JARID2: variants seen among roughly 807,000 people sequenced by gnomAD.
The protein encoded by JARID2 is jumonji and AT-rich interaction domain containing 2, also known as protein Jumonji.
Under a neutral mutation model 125.6 loss-of-function variants are expected in JARID2, and 21 were observed. The observed-to-expected ratio is 0.17, with a 90% CI of 0.12 to 0.24. The LOEUF is 0.24. Ranked by LOEUF, JARID2 falls within the 10% of genes least tolerant of loss-of-function variation. The pLI is 1.00. For synonymous variants in JARID2, 736 were observed against 661.6 expected (o/e 1.11, Z -1.73); for missense variants, 1,303 against 1,639.6 (o/e 0.79, Z 3.55).
chr6:15,350,031 G>C (rs1763371495), intron 1 of JARID2, among the ~76,000 whole-genome samples: 1 of 152,138 alleles, frequency 6.6e-6, no homozygotes, highest in South Asian at 2.1e-4. Flanking sequence ...AGTGGAAGTA[G>C]CTGGGCCCAC....
intron 1 of JARID2, among the ~76,000 whole-genome samples, chr6:15,351,599 C>T (rs748796664): frequency 2.6e-4 from 39 of 152,256 alleles, no homozygotes; most frequent in Non-Finnish European, 4.7e-4. Flanking sequence ...GCATTTATAT[C>T]ACACAAGGCT....
At chr6:15,372,686 T>G (rs2127513288) in intron 1 of JARID2, among the ~76,000 whole-genome samples, 1 of 152,106 alleles carries the variant, frequency 6.6e-6, no homozygotes, top group South Asian at 2.1e-4. Context: ...CCAAAGTATC[T>G]GTATGCTTCC....
intron 1 of JARID2, among the ~76,000 whole-genome samples, chr6:15,283,862 T>TAC (rs1561769072): frequency 5.9e-5 from 9 of 151,630 alleles, no homozygotes; most frequent in African/African-American, 1.9e-4. Context: ...CCTGCCACCA[T>TAC]GCCCGGCTAA....
At chr6:15,272,596 A>T (rs1263493138) in intron 1 of JARID2, among the ~76,000 whole-genome samples, 3 of 152,252 alleles carry the variant, frequency 2.0e-5, no homozygotes, top group African/African-American at 7.2e-5. Flanking sequence ...GAAACAAAGC[A>T]GGTAAAGGGG....
At chr6:15,385,223 A>C (rs6905698) in intron 2 of JARID2, among the ~76,000 whole-genome samples, 77,388 of 151,942 alleles carry the variant, frequency 0.51, 19,776 homozygotes, top group South Asian at 0.59. Flanking sequence ...GTTTAGCTCT[A>C]GCTGATCCTT....
intron 1 of JARID2, among the ~76,000 whole-genome samples, chr6:15,332,801 A>G (rs1762750771): frequency 6.6e-6 from 1 of 152,154 alleles, no homozygotes; most frequent in South Asian, 2.1e-4. Flanking sequence ...TTTTCAATAC[A>G]TACATTCGTT....
rs1234171821 is a variant in JARID2, at chr6:15,520,523, T to C, written c.*272T>C. ...GGCTGTATTAATTTGTATTGCCCCA[T>C]GGCTGACAAAAGCCTTTTTTTTTGG... On this transcript the variant is annotated 3_prime_UTR_variant, in exon 18 of 18. Coordinates refer to ENST00000341776, the MANE Select transcript of JARID2 (RefSeq NM_004973.4). The C allele has an allele frequency of 2.5e-6, 1 of 394,560 alleles. No homozygotes were observed. Among genetic ancestry groups the C allele is most frequent in the African/African-American group, 2.1e-5 (1 of 48,306 alleles). 24.4% of individuals were successfully genotyped at this position (394,560 alleles called of 1,614,324 possible). A position where few individuals can be genotyped will look rare whatever the true frequency, so the allele number is the denominator to read the frequency against.
intron 1 of JARID2, among the ~76,000 whole-genome samples, chr6:15,360,350 A>G (rs558330227): frequency 2.2e-4 from 34 of 151,866 alleles, no homozygotes; most frequent in Non-Finnish European, 4.1e-4. Flanking sequence ...ATGCCCAGCT[A>G]ATTTTTGTAT....
chr6:15,382,290 T>C (rs1273763135), intron 2 of JARID2, among the ~76,000 whole-genome samples: 7 of 151,534 alleles, frequency 4.6e-5, no homozygotes, highest in Admixed American at 4.6e-4. Flanking sequence ...CCCAAACGAG[T>C]GTATGGGTGA....
intron 1 of JARID2, among the ~76,000 whole-genome samples, chr6:15,352,070 C>T (rs1318114894): frequency 6.6e-6 from 1 of 152,078 alleles, no homozygotes; most frequent in Admixed American, 6.6e-5. Flanking sequence ...TAATAGTTCT[C>T]CCTCTTTTCT....
chr6:15,403,176 G>C (rs1485594617), intron 2 of JARID2, among the ~76,000 whole-genome samples: 2 of 152,192 alleles, frequency 1.3e-5, no homozygotes, highest in African/African-American at 2.4e-5. Context: ...GTGATCATCA[G>C]AGTTTAAATA....
At chr6:15,349,001 G>T (rs1470710273) in intron 1 of JARID2, among the ~76,000 whole-genome samples, 2 of 152,170 alleles carry the variant, frequency 1.3e-5, no homozygotes, top group African/African-American at 4.8e-5. Flanking sequence ...GTTGAAAAGG[G>T]TTTTCACATT....
At chr6:15,320,850 C>CTGTG (rs71535033) in intron 1 of JARID2, among the ~76,000 whole-genome samples, 74 of 135,124 alleles carry the variant, frequency 5.5e-4, no homozygotes, top group African/African-American at 9.6e-4. Context: ...CTCTCTCTCT[C>CTGTG]TCTGTGTGTG....
chr6:15,493,004 A>G (rs1770229503), intron 6 of JARID2, among the ~76,000 whole-genome samples: 1 of 152,210 alleles, frequency 6.6e-6, no homozygotes, highest in African/African-American at 2.4e-5. Context: ...TTTCAGAAAG[A>G]TGTAAACAAG....
chr6:15,504,261 G>A (rs1202149450), intron 8 of JARID2, among the ~76,000 whole-genome samples: 1 of 152,242 alleles, frequency 6.6e-6, no homozygotes, highest in Admixed American at 6.5e-5. Context: ...CTCTGTTCCT[G>A]GCAGAACAAT....
intron 12 of JARID2, among the ~76,000 whole-genome samples, chr6:15,510,066 C>T (rs1472034883): frequency 6.6e-6 from 1 of 152,134 alleles, no homozygotes; most frequent in Non-Finnish European, 1.5e-5. Flanking sequence ...GAAATGCTTT[C>T]ATCACAGACA....
chr6:15,415,780 G>A (rs1397944949), intron 3 of JARID2, among the ~76,000 whole-genome samples: 3 of 138,784 alleles, frequency 2.2e-5, no homozygotes, highest in Admixed American at 7.3e-5. Context: ...TGGCAGAGGC[G>A]CCCCTCACCT....
intron 8 of JARID2, among the ~76,000 whole-genome samples, chr6:15,501,714 A>AG (rs1373198567): frequency 2.0e-5 from 3 of 152,126 alleles, no homozygotes; most frequent in Middle Eastern, 3.2e-3. Context: ...AGACCCAGTG[A>AG]GGGAGGGGAA....
chr6:15,344,637 A>G (rs1763188730), intron 1 of JARID2, among the ~76,000 whole-genome samples: 1 of 151,892 alleles, frequency 6.6e-6, no homozygotes, highest in Non-Finnish European at 1.5e-5. Flanking sequence ...ATCTATGACT[A>G]TTTCTTACCA....
Sources: gnomAD v4.1 joint callset for allele counts (sites outside exome capture counted in the v4.1 genomes callset) on GRCh38, gnomAD v4.1.1 for gene constraint, MANE v1.5 for transcripts, NCBI Gene and HGNC (gene_info 2026-07-23, HGNC 2026-07-21) for gene names.